The following NEIL3 variants were observed in gnomAD, a reference collection of about 807,000 sequenced individuals.
The protein encoded by NEIL3 is nei like DNA glycosylase 3, also known as endonuclease 8-like 3.
NEIL3 carries 48 observed loss-of-function variants against 57.5 expected under a neutral mutation model. The observed-to-expected ratio is 0.83, with a 90% CI of 0.66 to 1.06. The LOEUF (loss-of-function observed/expected upper bound fraction) is 1.06. Ranked by LOEUF, NEIL3 falls within the 50% of genes least tolerant of loss-of-function variation. NEIL3 has a pLI of 0.00. For missense variants in NEIL3, 717 were observed against 739.1 expected (o/e 0.97, Z 0.35); for synonymous variants, 261 against 253.2 (o/e 1.03, Z -0.29).
rs561468346 is a variant in NEIL3, at chr4:177,358,374, C to T, written c.1461-2129C>T. Among the ~76,000 whole-genome samples the T allele has an allele frequency of 2.6e-5, 4 of 152,216 alleles. No homozygotes were observed. The East Asian group carries it at 5.8e-4, about 22-fold the overall frequency. ...CCAGGCTGGAGTGCAATGGCGCGAT[C>T]TCAGCTCACTGCAACATCTGCCTCC... On this transcript the variant is annotated intron_variant, in intron 8 of 9. Coordinates refer to ENST00000264596, the MANE Select transcript of NEIL3 (RefSeq NM_018248.3).
At chr4:177,339,907 C>T (rs749373718) in intron 5 of NEIL3, 50 bp downstream of exon 5, 8 of 1,295,344 alleles carry the variant, frequency 6.2e-6, no homozygotes, top group Non-Finnish European at 9.0e-6. Flanking sequence ...TCAGTGGTTT[C>T]CTTTTGGAGT....
At chr4:177,318,261 G>T (rs892438194) in intron 1 of NEIL3, among the ~76,000 whole-genome samples, 9 of 152,166 alleles carry the variant, frequency 5.9e-5, no homozygotes, top group South Asian at 2.1e-4. Context: ...GGGGTAAAAA[G>T]AAGTTGAGGT....
At chr4:177,334,177 A>T (rs1734933707) in intron 2 of NEIL3, among the ~76,000 whole-genome samples, 1 of 151,674 alleles carries the variant, frequency 6.6e-6, no homozygotes, top group Admixed American at 6.6e-5. Context: ...TTGTTGTCGC[A>T]GTATAGATGT....
chr4:177,318,334 T>C lies in NEIL3; in HGVS notation c.157-4125T>C, dbSNP rs537528929. On this transcript the variant is annotated intron_variant, in intron 1 of 9. Coordinates refer to ENST00000264596, the MANE Select transcript of NEIL3 (RefSeq NM_018248.3). The stretch of plus-strand genomic sequence containing the variant: ...GTTTGTTTTTTCAATTGATCTCACC[T>C]GAAATGTATGTCATATGGTGGTTTG... Among the ~76,000 whole-genome samples the C allele has an allele frequency of 6.6e-5, 10 of 152,308 alleles. No homozygotes were observed. In the South Asian group the frequency reaches 2.1e-3, roughly 32 times the overall value.
rs1246230071 is a variant in NEIL3 at position 177,353,291 on chromosome 4, C to T, written c.1040-17C>T. The T allele has an allele frequency of 2.5e-6, 4 of 1,591,652 alleles. No individual in the cohort carries two copies. The highest frequency in any genetic ancestry group is 3.4e-6 in the Non-Finnish European group (4 of 1,171,006). ...TATTTATGGGACTATTGCAGAATTA[C>T]TTCTCTCTCCTTCCAGATTCAGTGC... On this transcript the variant is annotated splice_polypyrimidine_tract_variant and intron_variant, in intron 7 of 9. Coordinates refer to ENST00000264596, the MANE Select transcript of NEIL3 (RefSeq NM_018248.3).
At chr4:177,361,963 G>A (rs1735615262) in intron 9 of NEIL3, among the ~76,000 whole-genome samples, 1 of 151,966 alleles carries the variant, frequency 6.6e-6, no homozygotes, top group Non-Finnish European at 1.5e-5. Context: ...CCTATAGCAG[G>A]GATATTGGTG....
At chr4:177,364,464 A>G (rs1735666420), downstream of NEIL3, among the ~76,000 whole-genome samples, 1 of 152,222 alleles carries the variant, frequency 6.6e-6, no homozygotes, top group Non-Finnish European at 1.5e-5. Context: ...AGTATTTCTC[A>G]TCTACAGAAT....
At chr4:177,318,848 G>A (rs1734623681) in intron 1 of NEIL3, among the ~76,000 whole-genome samples, 1 of 152,090 alleles carries the variant, frequency 6.6e-6, no homozygotes, top group African/African-American at 2.4e-5. Flanking sequence ...ACTCCACGAG[G>A]GCAGCTGGTT....
intron 6 of NEIL3, among the ~76,000 whole-genome samples, chr4:177,347,501 C>G (rs963369928): frequency 1.3e-5 from 2 of 152,096 alleles, no homozygotes; most frequent in African/African-American, 4.8e-5. Flanking sequence ...TGGGAAGCCA[C>G]TGGGAGAGTT....
chr4:177,324,651 A>G (rs1734745500), intron 2 of NEIL3, among the ~76,000 whole-genome samples: 1 of 152,180 alleles, frequency 6.6e-6, no homozygotes, highest in African/African-American at 2.4e-5. Flanking sequence ...CAACTTCTGA[A>G]CACTTTCCAC....
At position 177,310,416 on chromosome 4, in the gene NEIL3, T is replaced by TA. The variant is rs546357654; in HGVS notation, c.156+307_156+308insA. Among the ~76,000 whole-genome samples the TA allele has an allele frequency of 3.2e-4, 49 of 152,364 alleles. 1 individual carries two copies. Among genetic ancestry groups the TA allele is most frequent in the Admixed American group, 1.8e-3 (28 of 15,308 alleles). ...TTTATGATACACACATGGTTTCCCA[T>TA]GTCTACAGCTGCATTTTTTACTATT... On this transcript the variant is annotated intron_variant, in intron 1 of 9. Transcript: ENST00000264596.
At chr4:177,344,596 TGA>T (rs1491515101) in intron 6 of NEIL3, among the ~76,000 whole-genome samples, 2 of 151,178 alleles carry the variant, frequency 1.3e-5, no homozygotes, top group Non-Finnish European at 2.9e-5. Flanking sequence ...AGTCTCACTC[TGA>T]TCACCCAGGC....
At chr4:177,322,415 T>TTGTG in intron 1 of NEIL3, 44 bp from the exon 2 acceptor site, 2 of 1,596,096 alleles carry the variant, frequency 1.3e-6, no homozygotes, top group Non-Finnish European at 1.7e-6. Context: ...TGCTTAGAGT[T>TTGTG]TGTGTGTGTG....
intron 9 of NEIL3, among the ~76,000 whole-genome samples, chr4:177,361,361 T>A: frequency 6.6e-6 from 1 of 152,236 alleles, no homozygotes; most frequent in East Asian, 1.9e-4. Flanking sequence ...TTACTCTTCA[T>A]CTGGAATAGA....
chr4:177,364,400 G>A (rs953373050), downstream of NEIL3, among the ~76,000 whole-genome samples: 3 of 152,130 alleles, frequency 2.0e-5, no homozygotes, highest in African/African-American at 7.2e-5. Context: ...TGTCCTGAGG[G>A]CAGAACAAAA....
rs560662309 is a variant in NEIL3, at chr4:177,341,800, A to G, written c.869+158A>G. ...AAAGGAAATAGTAAATAATGTCACCAAAGAACCTGAGGGAGCCAAAGATGA... is the reference window on the plus strand; with the variant it reads ...AAAGGAAATAGTAAATAATGTCACCGAAGAACCTGAGGGAGCCAAAGATGA... On this transcript the variant is annotated intron_variant, in intron 6 of 9. Coordinates refer to ENST00000264596, the MANE Select transcript of NEIL3 (RefSeq NM_018248.3). Among the ~76,000 whole-genome samples, 4 of 152,296 alleles carry G rather than the reference A, an allele frequency of 2.6e-5. No individual in the cohort carries two copies. In the East Asian group the frequency reaches 5.8e-4, roughly 22 times the overall value.
At chr4:177,335,949 G>A (rs1734970658) in intron 3 of NEIL3, 127 bp downstream of exon 3, 1 of 1,063,802 alleles carries the variant, frequency 9.4e-7, no homozygotes, top group Non-Finnish European at 1.3e-6. Flanking sequence ...TTTTAAAGAA[G>A]CCTTCAGATA....
chr4:177,332,731 T>C (rs1019378086), intron 2 of NEIL3, among the ~76,000 whole-genome samples: 1 of 152,188 alleles, frequency 6.6e-6, no homozygotes, highest in Non-Finnish European at 1.5e-5. Flanking sequence ...ACATTCAGTA[T>C]GTAAAAGTTT....
rs566176173 is a variant in NEIL3 at position 177,341,261 on chromosome 4, A to G, written c.703-215A>G. On this transcript the variant is annotated intron_variant, in intron 5 of 9. Transcript: ENST00000264596. ...TTTTGAATACTAATGTCATTAAATA[A>G]TGACTTATTTCACACAAATTTTATT... Among the ~76,000 whole-genome samples the G allele has an allele frequency of 1.3e-3, 194 of 152,338 alleles. 6 individuals are homozygous for G. In the South Asian group the frequency reaches 0.04, roughly 31 times the overall value.
Sources: allele counts gnomAD v4.1 joint callset (sites outside exome capture counted in the v4.1 genomes callset), GRCh38; gene constraint gnomAD v4.1.1; transcripts MANE v1.5; gene names NCBI Gene and HGNC (gene_info 2026-07-23, HGNC 2026-07-21).